The following PPARGC1A variants were observed in gnomAD, a reference collection of about 807,000 sequenced individuals.
PPARGC1A encodes the protein peroxisome proliferator-activated receptor gamma coactivator 1-alpha.
PPARGC1A carries 25 observed loss-of-function variants against 88.7 expected under a neutral mutation model. The observed-to-expected ratio is 0.28, with a 90% CI of 0.21 to 0.39. The LOEUF (loss-of-function observed/expected upper bound fraction) is 0.39. Among genes scored for constraint, PPARGC1A ranks in the 10% least tolerant of loss-of-function variants. The probability of loss-of-function intolerance (pLI) is 1.00; values close to 1 mark genes in which losing one functional copy is unlikely to be tolerated. For synonymous variants in PPARGC1A, 363 were observed against 355.6 expected (o/e 1.02, Z -0.24); for missense variants, 880 against 968.7 (o/e 0.91, Z 1.22).
chr4:24,100,969 A>G, the PPARGC1A span, among the ~76,000 whole-genome samples: 1,099 of 152,318 alleles, frequency 7.2e-3, 15 homozygotes, highest in African/African-American at 0.025. Flanking sequence ...CATAAAACTG[A>G]GCATGCATTT....
the PPARGC1A span, among the ~76,000 whole-genome samples, chr4:24,163,397 C>T: frequency 2.8e-4 from 42 of 152,072 alleles, no homozygotes; most frequent in Non-Finnish European, 5.1e-4. Flanking sequence ...ACAGCCCTGT[C>T]GGGGTTCACC....
the PPARGC1A span, among the ~76,000 whole-genome samples, chr4:24,423,545 G>C: frequency 1.3e-5 from 2 of 151,924 alleles, no homozygotes; most frequent in Admixed American, 1.3e-4. Flanking sequence ...AGCTGTGTTG[G>C]GGGGCTGGGG....
At chr4:24,385,701 G>A in the PPARGC1A span, among the ~76,000 whole-genome samples, 4 of 152,200 alleles carry the variant, frequency 2.6e-5, no homozygotes, top group South Asian at 2.1e-4. Context: ...GGAAGAAGCC[G>A]AATCCCTGAA....
At chr4:24,178,862 A>G in the PPARGC1A span, among the ~76,000 whole-genome samples, 1 of 152,232 alleles carries the variant, frequency 6.6e-6, no homozygotes, top group African/African-American at 2.4e-5. Context: ...ATTTTATAGC[A>G]AAGCAGTTGT....
At chr4:24,093,363 T>G in the PPARGC1A span, among the ~76,000 whole-genome samples, 2 of 152,362 alleles carry the variant, frequency 1.3e-5, no homozygotes, top group African/African-American at 4.8e-5. Context: ...ACATGCTTTG[T>G]AGGCTGTAAA....
the PPARGC1A span, among the ~76,000 whole-genome samples, chr4:24,268,792 G>T: frequency 6.6e-6 from 1 of 152,080 alleles, no homozygotes; most frequent in African/African-American, 2.4e-5. Flanking sequence ...AAAATATATG[G>T]ATGTATTAAC....
At chr4:24,382,477 C>G in the PPARGC1A span, among the ~76,000 whole-genome samples, 2 of 151,862 alleles carry the variant, frequency 1.3e-5, no homozygotes, top group African/African-American at 4.8e-5. Flanking sequence ...AACTGGGGAC[C>G]AAAACCAATG....
chr4:24,080,235 T>C, the PPARGC1A span, among the ~76,000 whole-genome samples: 3 of 152,100 alleles, frequency 2.0e-5, no homozygotes, highest in Admixed American at 1.3e-4. Flanking sequence ...CTGGGAGTTG[T>C]ACTGTTTTTC....
the PPARGC1A span, among the ~76,000 whole-genome samples, chr4:23,987,509 A>G: frequency 6.6e-6 from 1 of 152,006 alleles, no homozygotes; most frequent in East Asian, 1.9e-4. Flanking sequence ...ATTCTCTCCC[A>G]GCATCCACCT....
At chr4:24,265,358 G>A in the PPARGC1A span, among the ~76,000 whole-genome samples, 1 of 152,132 alleles carries the variant, frequency 6.6e-6, no homozygotes, top group Admixed American at 6.5e-5. Context: ...TGGGGGAAAT[G>A]TCGGCAACAT....
chr4:24,034,007 C>T, the PPARGC1A span, among the ~76,000 whole-genome samples: 1 of 152,176 alleles, frequency 6.6e-6, no homozygotes, highest in African/African-American at 2.4e-5. Context: ...TCTTCCTAAA[C>T]AAGTGGGTGA....
At chr4:24,185,060 C>T in the PPARGC1A span, among the ~76,000 whole-genome samples, 10 of 152,008 alleles carry the variant, frequency 6.6e-5, no homozygotes, top group Non-Finnish European at 1.3e-4. Flanking sequence ...ACAATGTGTT[C>T]GAGAAAAGTA....
chr4:24,135,481 C>G, the PPARGC1A span, among the ~76,000 whole-genome samples: 1 of 152,238 alleles, frequency 6.6e-6, no homozygotes, highest in East Asian at 1.9e-4. Context: ...TGTGACAACT[C>G]TTTGGCATTT....
chr4:23,948,205 A>G, the PPARGC1A span, among the ~76,000 whole-genome samples: 3 of 152,194 alleles, frequency 2.0e-5, no homozygotes, highest in Admixed American at 1.3e-4. Flanking sequence ...GTTGGGATAC[A>G]TGATGAATAA....
the PPARGC1A span, among the ~76,000 whole-genome samples, chr4:24,159,242 C>T: frequency 2.9e-4 from 39 of 132,280 alleles, no homozygotes; most frequent in African/African-American, 1.0e-3. Context: ...GATGGAGCCT[C>T]GCTCTGTTGC....
At chr4:24,242,022 T>A in the PPARGC1A span, among the ~76,000 whole-genome samples, 2 of 152,222 alleles carry the variant, frequency 1.3e-5, no homozygotes. Context: ...TGTGCCCTGC[T>A]AGAACCCAAC....
At chr4:24,118,601 A>T in the PPARGC1A span, among the ~76,000 whole-genome samples, 1 of 152,210 alleles carries the variant, frequency 6.6e-6, no homozygotes, top group Non-Finnish European at 1.5e-5. Flanking sequence ...CGTGATCTCT[A>T]GAACCACAAT....
the PPARGC1A span, among the ~76,000 whole-genome samples, chr4:24,283,433 T>A: frequency 1.3e-5 from 2 of 152,208 alleles, no homozygotes; most frequent in Non-Finnish European, 2.9e-5. Context: ...ACTGGCAGCA[T>A]TTGAACTTGA....
chr4:23,835,777 G>T (rs1305633539), intron 2 of PPARGC1A, among the ~76,000 whole-genome samples: 1 of 152,088 alleles, frequency 6.6e-6, no homozygotes, highest in Non-Finnish European at 1.5e-5. Context: ...ATGACACTTT[G>T]TGTTTATATA....
Sources: gnomAD v4.1 joint callset for allele counts (sites outside exome capture counted in the v4.1 genomes callset) on GRCh38, gnomAD v4.1.1 for gene constraint, MANE v1.5 for transcripts, NCBI Gene and HGNC (gene_info 2026-07-23, HGNC 2026-07-21) for gene names.